ZNF251: variants seen among roughly 807,000 people sequenced by gnomAD.
ZNF251 encodes zinc finger protein 251.
A neutral mutation model predicts 13.5 loss-of-function variants in ZNF251; 14 were observed. The ratio of observed to expected loss-of-function variants is 1.04; its 90% CI spans 0.69 to 1.63. The LOEUF is 1.63. Among genes scored for constraint, ZNF251 ranks in the 40% most tolerant of loss-of-function variants. The pLI is 0.00. For synonymous variants in ZNF251, 287 were observed against 295.2 expected, an observed-to-expected ratio of 0.97 and a Z score of 0.28; for missense variants, 764 against 834.9, an observed-to-expected ratio of 0.92 and a Z score of 1.05.
intron 4 of ZNF251, among the ~76,000 whole-genome samples, chr8:144,749,884 CTTTTTTTTT>C: frequency 7.8e-6 from 1 of 128,376 alleles, no homozygotes; most frequent in South Asian, 2.4e-4. Flanking sequence ...TCTTTTTTTT[CTTTTTTTTT>C]TTTTTTTAAG....
chr8:144,731,356 G>T (rs1012513812), intron 4 of ZNF251, among the ~76,000 whole-genome samples: 1 of 152,192 alleles, frequency 6.6e-6, no homozygotes, highest in African/African-American at 2.4e-5. Context: ...ACTGTGTACC[G>T]ATGGAACTTT....
chr8:144,745,573 G>T (rs760919883), intron 4 of ZNF251, among the ~76,000 whole-genome samples: 4 of 151,968 alleles, frequency 2.6e-5, no homozygotes. Flanking sequence ...TAGAGACAGG[G>T]TCTTGCTCTG....
intron 4 of ZNF251, among the ~76,000 whole-genome samples, chr8:144,742,489 C>A (rs761436788): frequency 1.1e-4 from 17 of 151,770 alleles, no homozygotes; most frequent in Middle Eastern, 3.2e-3. Flanking sequence ...ACACCTCCCC[C>A]ACTACTTACC....
chr8:144,745,961 CTTT>C, intron 4 of ZNF251, among the ~76,000 whole-genome samples: 1 of 152,136 alleles, frequency 6.6e-6, no homozygotes. Flanking sequence ...TTTAGCTCTT[CTTT>C]GATATATTTT....
chr8:144,742,343 C>A (rs1440077684), intron 4 of ZNF251, among the ~76,000 whole-genome samples: 1 of 152,034 alleles, frequency 6.6e-6, no homozygotes, highest in Non-Finnish European at 1.5e-5. Context: ...AAACTCAGAT[C>A]ATCAGAAAGG....
intron 1 of ZNF251, chr8:144,755,184 C>T (rs948655333): frequency 8.5e-6 from 10 of 1,172,070 alleles, no homozygotes; most frequent in Middle Eastern, 7.8e-4. Flanking sequence ...GCCGAAGGCC[C>T]CAGGCTCCGG....
At position 144,755,210 on chromosome 8, in the gene ZNF251, C is replaced by T. The variant is rs904384272; in HGVS notation, c.-76+195G>A. ...CAGGCTCCGGGGAGAGGCCGGAAGC[C>T]AGCTGTGGTCCTCAGTCCAGCCTTC... On this transcript the variant is annotated intron_variant, in intron 1 of 4. Transcript: ENST00000292562. 102 of 1,171,598 alleles carry T rather than the reference C, an allele frequency of 8.7e-5. 1 individual carries two copies. The highest frequency in any genetic ancestry group is 1.0e-4 in the Non-Finnish European group (95 of 936,248). The allele number at this position is 1,171,598 out of a possible 1,614,324, so 72.6% of individuals were successfully genotyped here. A position where few individuals can be genotyped will look rare whatever the true frequency, so the allele number is the denominator to read the frequency against.
rs1273704511 is a variant in ZNF251, at chr8:144,754,697, T to C, written c.32A>G (p.Gln11Arg). 1 of 1,609,876 alleles carries C rather than the reference T, an allele frequency of 6.2e-7. No individual in the cohort carries two copies. Among genetic ancestry groups the C allele is most frequent in the Non-Finnish European group, 8.5e-7 (1 of 1,178,048 alleles). Residue 11 changes from glutamine (Q) to arginine (R), a missense_variant and splice_region_variant, in exon 2 of 5, where the codon CAG becomes CGG. Gln to Arg is a conservative substitution (Grantham distance 43). Coordinates refer to ENST00000292562, the MANE Select transcript of ZNF251 (RefSeq NM_138367.2). MAATFQLPGH[Q>R]EMPLTFQDVA... ...GGGCAGGAAGGAGGGTTAACTCACCTGGTGCCCTGGAAGCTGGAATGTGGC... is the reference window on the plus strand; with the variant it reads ...GGGCAGGAAGGAGGGTTAACTCACCCGGTGCCCTGGAAGCTGGAATGTGGC...
intron 4 of ZNF251, among the ~76,000 whole-genome samples, chr8:144,724,850 G>A (rs1286256212): frequency 1.3e-5 from 2 of 152,160 alleles, no homozygotes; most frequent in African/African-American, 4.8e-5. Flanking sequence ...ATTGAACATA[G>A]ATATATATGT....
At chr8:144,733,517 G>A (rs1586688085) in intron 4 of ZNF251, among the ~76,000 whole-genome samples, 2 of 152,340 alleles carry the variant, frequency 1.3e-5, no homozygotes, top group East Asian at 3.9e-4. Flanking sequence ...GTGGGTCAGA[G>A]GCCACCGCTA....
At chr8:144,743,533 C>T (rs1267545567) in intron 4 of ZNF251, among the ~76,000 whole-genome samples, 1 of 152,146 alleles carries the variant, frequency 6.6e-6, no homozygotes, top group Non-Finnish European at 1.5e-5. Flanking sequence ...TATCTGTGTG[C>T]AGGATTTTGT....
In ZNF251 at chr8:144,754,223, C is replaced by T; in HGVS notation, c.132G>A (p.Met44Ile). 1 of 1,614,090 alleles carries T rather than the reference C, an allele frequency of 6.2e-7. No individual in the cohort carries two copies. The highest frequency in any genetic ancestry group is 8.5e-7 in the Non-Finnish European group (1 of 1,179,974). ...PQQRALYRDVMLENYGNVASL... is the reference protein window; with the variant it reads ...PQQRALYRDVILENYGNVASL... ...AGGCCACGTTCCCATAGTTCTCCAG[C>T]ATCACATCCCGGTAGAGCGCCCGCT... Residue 44 changes from methionine (M) to isoleucine (I), a missense_variant, in exon 3 of 5, where the codon ATG (methionine) becomes ATA (isoleucine). Physicochemically the swap from Met to Ile is conservative, Grantham distance 10. Transcript: ENST00000292562.
Position 144,721,700 on chromosome 8 carries a change from C to T in ZNF251, c.1960G>A (p.Gly654Ser). 3 of 1,370,466 alleles carry T rather than the reference C, an allele frequency of 2.2e-6. No individual in the cohort carries two copies. The highest frequency in any genetic ancestry group is 2.8e-6 in the Non-Finnish European group (3 of 1,053,520). 84.9% of individuals were successfully genotyped at this position (1,370,466 alleles called of 1,614,324 possible). The change falls in exon 5 of 5, where the codon GGC becomes AGC. Residue 654 changes from glycine to serine, a missense_variant. Coordinates refer to ENST00000292562, the MANE Select transcript of ZNF251 (RefSeq NM_138367.2). ...ATATGAATAAAGTATCTTTTAGAGCCATCATTTAAAGCAGGTTTCTCTCCA... is the reference window on the plus strand; with the variant it reads ...ATATGAATAAAGTATCTTTTAGAGCTATCATTTAAAGCAGGTTTCTCTCCA... The part of the protein sequence containing the change: ...RVGEKPALND[G>S]SKRYFIHIKK...
intron 4 of ZNF251, among the ~76,000 whole-genome samples, chr8:144,728,568 CAGG>C (rs1248973966): frequency 6.7e-6 from 1 of 148,730 alleles, no homozygotes; most frequent in East Asian, 2.0e-4. Flanking sequence ...GAGGCTGAGG[CAGG>C]AGAATAGCAT....
intron 4 of ZNF251, among the ~76,000 whole-genome samples, chr8:144,738,264 TG>T (rs1257770809): frequency 2.6e-5 from 4 of 152,160 alleles, no homozygotes. Context: ...TGGTTGCCCA[TG>T]GGGTTCTGAA....
intron 2 of ZNF251, 165 bp downstream of exon 2, chr8:144,754,531 T>C (rs1824862720): frequency 6.9e-7 from 1 of 1,449,216 alleles, no homozygotes. Flanking sequence ...AGAGCCCCTC[T>C]CCCTGCAGGA....
chr8:144,738,956 A>C (rs1824029055), intron 4 of ZNF251, among the ~76,000 whole-genome samples: 1 of 152,134 alleles, frequency 6.6e-6, no homozygotes, highest in African/African-American at 2.4e-5. Flanking sequence ...AAACAGCGCC[A>C]GAGATGCACA....
chr8:144,753,972 G>A (rs757127777), intron 3 of ZNF251, among the ~76,000 whole-genome samples, 176 bp from the exon 4 acceptor site: 6 of 152,200 alleles, frequency 3.9e-5, no homozygotes, highest in Non-Finnish European at 7.3e-5. Flanking sequence ...CCTGCCACTG[G>A]AGGGACACCA....
chr8:144,755,078 G>A, intron 1 of ZNF251: 1 of 1,299,150 alleles, frequency 7.7e-7, no homozygotes, highest in Non-Finnish European at 9.8e-7. Flanking sequence ...GGGGTGCAGG[G>A]CCGTTCTACC....
Sources: allele counts gnomAD v4.1 joint callset (sites outside exome capture counted in the v4.1 genomes callset), GRCh38; gene constraint gnomAD v4.1.1; transcripts MANE v1.5; gene names NCBI Gene and HGNC (gene_info 2026-07-23, HGNC 2026-07-21).